The following WDPCP variants were observed in gnomAD, a reference collection of about 807,000 sequenced individuals.
The protein encoded by WDPCP is WD repeat containing planar cell polarity effector, also known as WD repeat-containing and planar cell polarity effector protein fritz homolog.
In WDPCP, 71 loss-of-function variants were observed where a neutral mutation model predicts 93.1. That is an observed-to-expected ratio of 0.76 (90% CI 0.63 to 0.93). WDPCP has a LOEUF of 0.93. Among genes scored for constraint, WDPCP ranks in the 40% least tolerant of loss-of-function variants. WDPCP has a pLI of 0.00. For synonymous variants in WDPCP, 315 were observed against 315.0 expected (o/e 1.00, Z 0.00); for missense variants, 844 against 887.4 (o/e 0.95, Z 0.62).
At chr2:63,670,895 G>C (rs529163072) in intron 2 of WDPCP, among the ~76,000 whole-genome samples, 2 of 152,098 alleles carry the variant, frequency 1.3e-5, no homozygotes, top group Admixed American at 6.5e-5. Context: ...AAAAAAGTAG[G>C]AAAAAATTAG....
chr2:63,716,829 C>T (rs529821451), intron 2 of WDPCP, among the ~76,000 whole-genome samples: 1 of 152,128 alleles, frequency 6.6e-6, no homozygotes, highest in Non-Finnish European at 1.5e-5. Context: ...TAATTAAAGG[C>T]CAAAGGATTG....
intron 8 of WDPCP, among the ~76,000 whole-genome samples, chr2:63,437,169 C>T (rs1253211086): frequency 6.6e-6 from 1 of 151,976 alleles, no homozygotes; most frequent in Non-Finnish European, 1.5e-5. Context: ...CCTCTATTAT[C>T]TGTCTTTGAT....
chr2:63,211,552 C>T (rs1007488768), intron 14 of WDPCP, among the ~76,000 whole-genome samples: 2 of 152,182 alleles, frequency 1.3e-5, no homozygotes, highest in Non-Finnish European at 2.9e-5. Context: ...AATCAGAGTG[C>T]CTCTTCTCCT....
chr2:63,435,791 AATGAAAT>A (rs1697100278), intron 8 of WDPCP, among the ~76,000 whole-genome samples: 1 of 152,156 alleles, frequency 6.6e-6, no homozygotes. Context: ...TAAACCAGGA[AATGAAAT>A]TAATGAGTTT....
At chr2:63,643,459 C>A (rs1710008875) in intron 3 of WDPCP, 2 of 338,208 alleles carry the variant, frequency 5.9e-6, no homozygotes, top group South Asian at 5.3e-5. Context: ...TCCAGGATGT[C>A]TCTCCCTGGT....
intron 12 of WDPCP, among the ~76,000 whole-genome samples, chr2:63,347,738 C>G (rs550203898): frequency 6.6e-6 from 1 of 150,910 alleles, no homozygotes; most frequent in South Asian, 2.2e-4. Context: ...TTGCCCCCCC[C>G]GCCCCCGACT....
chr2:63,782,461 C>T (rs1212574971), intron 2 of WDPCP, among the ~76,000 whole-genome samples: 1 of 152,082 alleles, frequency 6.6e-6, no homozygotes, highest in East Asian at 1.9e-4. Flanking sequence ...TCAACAACAA[C>T]AGCAAAACAA....
intron 2 of WDPCP, among the ~76,000 whole-genome samples, chr2:63,766,334 AT>A (rs1326617403): frequency 1.1e-3 from 160 of 145,384 alleles, no homozygotes; most frequent in East Asian, 3.0e-3. Context: ...CAAATATTAA[AT>A]TTTTTTTTTT....
chr2:63,691,939 A>T (rs1021701411), intron 2 of WDPCP, among the ~76,000 whole-genome samples: 9 of 151,264 alleles, frequency 5.9e-5, no homozygotes, highest in Non-Finnish European at 1.2e-4. Context: ...TAGCAGGAAG[A>T]AGTTTACAAA....
chr2:63,213,685 G>T (rs1274573458), intron 14 of WDPCP, among the ~76,000 whole-genome samples: 1 of 152,160 alleles, frequency 6.6e-6, no homozygotes, highest in African/African-American at 2.4e-5. Context: ...GAATCCAGGA[G>T]CTGGGTTTTT....
chr2:63,536,772 G>GTTTTTTT (rs1558773850), intron 1 of WDPCP, among the ~76,000 whole-genome samples: 1 of 35,480 alleles, frequency 2.8e-5, no homozygotes, highest in African/African-American at 2.3e-4. Flanking sequence ...GATTCTTCAT[G>GTTTTTTT]CTTTTTTTTT....
rs564809064 is a variant in WDPCP, at chr2:63,120,596, A to G, written c.*1410T>C. Among the ~76,000 whole-genome samples the G allele has an allele frequency of 3.5e-5, 5 of 143,548 alleles. No individual in the cohort carries two copies. The highest frequency in any genetic ancestry group is 1.3e-4 in the African/African-American group (5 of 38,328). The allele number at this position is 143,548 out of a possible 152,430, so 94.2% of individuals were successfully genotyped here. ...GGCTGGAGCGTAATGGTGCGACCTCAGCTCACTGCAGCCTCCGCCCTCCGG... is the reference window on the plus strand; with the variant it reads ...GGCTGGAGCGTAATGGTGCGACCTCGGCTCACTGCAGCCTCCGCCCTCCGG... On this transcript the variant is annotated 3_prime_UTR_variant, in exon 18 of 18. Transcript: ENST00000272321.
chr2:63,503,493 A>G (rs1701683376), intron 1 of WDPCP, among the ~76,000 whole-genome samples: 2 of 152,112 alleles, frequency 1.3e-5, no homozygotes, highest in South Asian at 4.1e-4. Flanking sequence ...ATGCCTGCAT[A>G]AGCAAATAAT....
At chr2:63,171,580 G>T (rs1343464460) in intron 15 of WDPCP, among the ~76,000 whole-genome samples, 1 of 152,152 alleles carries the variant, frequency 6.6e-6, no homozygotes, top group Non-Finnish European at 1.5e-5. Flanking sequence ...TATATTGCTG[G>T]TGGGTATGTA....
intron 12 of WDPCP, among the ~76,000 whole-genome samples, chr2:63,346,359 A>G (rs1689189051): frequency 6.6e-6 from 1 of 152,168 alleles, no homozygotes; most frequent in South Asian, 2.1e-4. Context: ...TTACTATGGA[A>G]TAGCTGAGCC....
At chr2:63,751,654 C>T in intron 2 of WDPCP, 1 of 485,474 alleles carries the variant, frequency 2.1e-6, no homozygotes, top group South Asian at 1.6e-5. Flanking sequence ...CCTTCTCTGG[C>T]TCTCTTCTCC....
intron 1 of WDPCP, among the ~76,000 whole-genome samples, chr2:63,572,567 G>A (rs1052034923): frequency 6.6e-6 from 1 of 151,432 alleles, no homozygotes; most frequent in African/African-American, 2.4e-5. Flanking sequence ...GCCAGGCATG[G>A]TGGCGGGCGC....
chr2:63,194,882 TAAAATC>T (rs1675308922), intron 14 of WDPCP, among the ~76,000 whole-genome samples: 1 of 152,122 alleles, frequency 6.6e-6, no homozygotes, highest in Non-Finnish European at 1.5e-5. Context: ...AAGTAGAAAA[TAAAATC>T]AATATCAGGA....
At chr2:63,754,240 G>T (rs1669923889) in intron 2 of WDPCP, among the ~76,000 whole-genome samples, 1 of 152,154 alleles carries the variant, frequency 6.6e-6, no homozygotes, top group African/African-American at 2.4e-5. Context: ...TAGAGAAGAG[G>T]GCTAGCTGTA....
Sources: gnomAD v4.1 joint callset for allele counts (sites outside exome capture counted in the v4.1 genomes callset) on GRCh38, gnomAD v4.1.1 for gene constraint, MANE v1.5 for transcripts, NCBI Gene and HGNC (gene_info 2026-07-23, HGNC 2026-07-21) for gene names.